The following LARS2 variants were observed in gnomAD, a reference collection of about 807,000 sequenced individuals.
LARS2 encodes leucine--tRNA ligase, mitochondrial.
LARS2 carries 81 observed loss-of-function variants against 116.6 expected under a neutral mutation model. That is an observed-to-expected ratio of 0.69 (90% CI 0.58 to 0.84). The LOEUF (loss-of-function observed/expected upper bound fraction) is 0.84. Ranked by LOEUF, LARS2 falls within the 40% of genes least tolerant of loss-of-function variation. The pLI is 0.00. For missense variants in LARS2, 968 were observed against 1,114.5 expected (o/e 0.87, Z 1.87); for synonymous variants, 396 against 407.2 (o/e 0.97, Z 0.33).
At chr3:45,465,992 G>A (rs1699418364) in intron 8 of LARS2, among the ~76,000 whole-genome samples, 2 of 152,216 alleles carry the variant, frequency 1.3e-5, no homozygotes, top group South Asian at 4.1e-4. Flanking sequence ...CTCTGGGTCA[G>A]CAACCTGCTC....
intron 6 of LARS2, among the ~76,000 whole-genome samples, chr3:45,436,771 G>A (rs181509494): frequency 1.8e-3 from 270 of 146,248 alleles, no homozygotes; most frequent in African/African-American, 5.2e-3. Context: ...TCCGCAGTCC[G>A]GCCTGGGCGA....
chr3:45,488,325 C>G (rs1390816595), intron 11 of LARS2, among the ~76,000 whole-genome samples: 1 of 152,146 alleles, frequency 6.6e-6, no homozygotes, highest in Non-Finnish European at 1.5e-5. Flanking sequence ...CCCAGCTACT[C>G]AGGAGGCTGA....
intron 15 of LARS2, among the ~76,000 whole-genome samples, chr3:45,502,824 G>T (rs1006466826): frequency 2.0e-5 from 3 of 151,692 alleles, no homozygotes; most frequent in Non-Finnish European, 4.4e-5. Context: ...GAAGTTCTAG[G>T]TTTTTAAATT....
intron 20 of LARS2, among the ~76,000 whole-genome samples, chr3:45,533,181 T>C (rs1480833253): frequency 1.2e-4 from 14 of 119,840 alleles, no homozygotes; most frequent in African/African-American, 3.1e-4. Context: ...GATGGAGTCT[T>C]GCTCTGTCGC....
intron 19 of LARS2, among the ~76,000 whole-genome samples, chr3:45,523,540 T>C (rs2125758630): frequency 6.6e-6 from 1 of 151,992 alleles, no homozygotes; most frequent in Non-Finnish European, 1.5e-5. Context: ...GCTTTTTTTT[T>C]TTTTTAAAGA....
At chr3:45,487,138 T>C (rs943686949) in intron 11 of LARS2, among the ~76,000 whole-genome samples, 1 of 152,236 alleles carries the variant, frequency 6.6e-6, no homozygotes, top group African/African-American at 2.4e-5. Flanking sequence ...GCATTCTTTA[T>C]ACGGCCAAAT....
rs190378251 is a variant in LARS2 at position 45,547,619 on chromosome 3, A to G, written c.*89A>G. The G allele has an allele frequency of 2.5e-6, 3 of 1,219,796 alleles. No individual in the cohort carries two copies. The Admixed American group carries it at 6.8e-5, about 28-fold the overall frequency. 75.6% of individuals were successfully genotyped at this position (1,219,796 alleles called of 1,614,324 possible). A position where few individuals can be genotyped will look rare whatever the true frequency, so the allele number is the denominator to read the frequency against. On this transcript the variant is annotated 3_prime_UTR_variant, in exon 22 of 22. Coordinates refer to ENST00000645846, the MANE Select transcript of LARS2 (RefSeq NM_015340.4). ...GGGGCGATGTCTGCTGGCCCAGGGG[A>G]AGGGAAAAGACAAATGTCTTGACTG...
chr3:45,527,653 G>A lies in LARS2; in HGVS notation c.2404+3545G>A, dbSNP rs1332540484. Among the ~76,000 whole-genome samples the A allele has an allele frequency of 2.6e-5, 4 of 152,160 alleles. No homozygotes were observed. In the East Asian group the frequency reaches 7.7e-4, roughly 29 times the overall value. On this transcript the variant is annotated intron_variant, in intron 20 of 21. Coordinates refer to ENST00000645846, the MANE Select transcript of LARS2 (RefSeq NM_015340.4). ...AAAAAAAAAAGAAATCTTATCTTTA[G>A]GGAGATACACCTGAGCAAGGATAAA...
intron 21 of LARS2, among the ~76,000 whole-genome samples, chr3:45,542,383 G>A (rs1393553632): frequency 6.6e-6 from 1 of 152,090 alleles, no homozygotes; most frequent in African/African-American, 2.4e-5. Flanking sequence ...ATTTCAGAAA[G>A]GCTCCATAAT....
chr3:45,398,234 G>T (rs1299867848), intron 3 of LARS2, among the ~76,000 whole-genome samples: 1 of 152,166 alleles, frequency 6.6e-6, no homozygotes, highest in Non-Finnish European at 1.5e-5. Flanking sequence ...CGTGCTAATG[G>T]TTCCGTTAAA....
intron 4 of LARS2, among the ~76,000 whole-genome samples, chr3:45,411,569 GA>G (rs1393950891): frequency 1.3e-5 from 2 of 152,224 alleles, no homozygotes; most frequent in African/African-American, 4.8e-5. Flanking sequence ...CAGCCTGACT[GA>G]ACTCCCACAA....
At position 45,527,521 on chromosome 3, in the gene LARS2, G is replaced by A. The variant is rs376316509; in HGVS notation, c.2404+3413G>A. 2.9e-3 allele frequency among the ~76,000 whole-genome samples: 443 copies of A among 152,216 alleles called. 2 individuals carry two copies. Among genetic ancestry groups the A allele is most frequent in the African/African-American group, 0.01 (422 of 41,534 alleles). ...CACCTGTAGTCCCAGCTACTCGAGAGGCTGAGGCAGGAGAATGGCATGAAC... is the reference window on the plus strand; with the variant it reads ...CACCTGTAGTCCCAGCTACTCGAGAAGCTGAGGCAGGAGAATGGCATGAAC... On this transcript the variant is annotated intron_variant, in intron 20 of 21. Coordinates refer to ENST00000645846, the MANE Select transcript of LARS2 (RefSeq NM_015340.4).
intron 20 of LARS2, among the ~76,000 whole-genome samples, chr3:45,527,300 G>A (rs1395063282): frequency 2.0e-5 from 3 of 152,180 alleles, no homozygotes; most frequent in African/African-American, 7.2e-5. Context: ...CTGTCAGTAA[G>A]TGGGGACAGT....
intron 4 of LARS2, among the ~76,000 whole-genome samples, chr3:45,408,704 G>A (rs1420443609): frequency 5.3e-5 from 8 of 152,190 alleles, no homozygotes; most frequent in Admixed American, 5.2e-4. Context: ...CAGCCTTTGG[G>A]CTTTGTTAAC....
At chr3:45,473,502 G>A (rs1699561544) in intron 8 of LARS2, among the ~76,000 whole-genome samples, 1 of 151,642 alleles carries the variant, frequency 6.6e-6, no homozygotes, top group Non-Finnish European at 1.5e-5. Context: ...TCCTGCCTCA[G>A]CCTCCCAAGT....
chr3:45,506,570 A>G (rs1234991312), intron 15 of LARS2, among the ~76,000 whole-genome samples: 1 of 152,112 alleles, frequency 6.6e-6, no homozygotes, highest in Non-Finnish European at 1.5e-5. Context: ...TTGAGATGAT[A>G]GTACAGCTAT....
intron 2 of LARS2, among the ~76,000 whole-genome samples, chr3:45,393,765 A>G (rs146951618): frequency 7.9e-4 from 121 of 152,258 alleles, no homozygotes; most frequent in South Asian, 3.3e-3. Context: ...CAGAGGTTAC[A>G]CTGAGGTATG....
At chr3:45,480,255 A>C (rs1174542090) in intron 10 of LARS2, among the ~76,000 whole-genome samples, 1 of 152,248 alleles carries the variant, frequency 6.6e-6, no homozygotes, top group Non-Finnish European at 1.5e-5. Flanking sequence ...TGCTGTGCTA[A>C]TGTGCACTGT....
At position 45,507,239 on chromosome 3, in the gene LARS2, T is replaced by C. The variant is rs2170547; in HGVS notation, c.1761-5896T>C. ...CAGCAAGACCCCATTTCTATGATTTTAAAAAAAAAAATTTCCCTCACTGGC... is the reference window on the plus strand; with the variant it reads ...CAGCAAGACCCCATTTCTATGATTTCAAAAAAAAAAATTTCCCTCACTGGC... On this transcript the variant is annotated intron_variant, in intron 15 of 21. Transcript: ENST00000645846. Among the ~76,000 whole-genome samples the C allele has an allele frequency of 2.3e-3, 341 of 150,546 alleles. 1 individual carries two copies. Among genetic ancestry groups the C allele is most frequent in the African/African-American group, 7.9e-3 (326 of 41,148 alleles).
Sources: gnomAD v4.1 joint callset for allele counts (sites outside exome capture counted in the v4.1 genomes callset) on GRCh38, gnomAD v4.1.1 for gene constraint, MANE v1.5 for transcripts, NCBI Gene and HGNC (gene_info 2026-07-23, HGNC 2026-07-21) for gene names.